Variants in ZC3H7A observed in about 807,000 individuals in gnomAD.
ZC3H7A encodes the protein zinc finger CCCH-type containing 7A.
ZC3H7A carries 44 observed loss-of-function variants against 125.5 expected under a neutral mutation model. That is an observed-to-expected ratio of 0.35 (90% CI 0.28 to 0.45). The LOEUF is 0.45. Among genes scored for constraint, ZC3H7A ranks in the 20% least tolerant of loss-of-function variants. ZC3H7A has a pLI of 1.00. For synonymous variants in ZC3H7A, 399 were observed against 391.2 expected (o/e 1.02, Z -0.23); for missense variants, 977 against 1,170.7 (o/e 0.83, Z 2.41).
At chr16:11,792,072 T>A (rs1431811398) in intron 1 of ZC3H7A, among the ~76,000 whole-genome samples, 1 of 152,118 alleles carries the variant, frequency 6.6e-6, no homozygotes, top group Non-Finnish European at 1.5e-5. Context: ...TATACCTGAA[T>A]AATTTTTGTA....
intron 1 of ZC3H7A, among the ~76,000 whole-genome samples, chr16:11,791,741 A>G (rs1459762919): frequency 1.3e-5 from 2 of 152,172 alleles, no homozygotes; most frequent in Non-Finnish European, 2.9e-5. Context: ...TTGGCCCCCA[A>G]CCCTTTGGGG....
rs188021277 is a variant in ZC3H7A at position 11,767,299 on chromosome 16, T to C, written c.1522+118A>G. On this transcript the variant is annotated intron_variant, in intron 13 of 22. Coordinates refer to ENST00000355758, the MANE Select transcript of ZC3H7A (RefSeq NM_014153.4). Reference sequence around the variant, plus strand: ...GCTACACCATCGAGGTTTGTGTAAGTACTCTGTGATGTTCCCCTAATGATG... The same window carrying C: ...GCTACACCATCGAGGTTTGTGTAAGCACTCTGTGATGTTCCCCTAATGATG... 165 of 893,318 alleles carry C rather than the reference T, an allele frequency of 1.8e-4. No individual in the cohort carries two copies. In the African/African-American group the frequency reaches 2.6e-3, roughly 14 times the overall value. 55.3% of individuals were successfully genotyped at this position (893,318 alleles called of 1,614,324 possible).
intron 7 of ZC3H7A, chr16:11,775,543 G>C (rs1417499829): frequency 6.6e-6 from 1 of 152,210 alleles, no homozygotes; most frequent in Non-Finnish European, 1.5e-5. Flanking sequence ...TATTTCTCGT[G>C]GACCAGCATT....
rs1382962917 is a variant in ZC3H7A at position 11,773,689 on chromosome 16, T to C, written c.903+547A>G. 4.0e-5 allele frequency among the ~76,000 whole-genome samples: 6 copies of C among 151,744 alleles called. 1 individual carries two copies. The highest frequency in any genetic ancestry group is 1.5e-4 in the African/African-American group (6 of 41,048). On this transcript the variant is annotated intron_variant, in intron 9 of 22. Transcript: ENST00000355758. ...CGAGGTCAGGAGATCAAGACCATTCTGGCTAAGGCAGTGAAACCCCATCTT... is the reference window on the plus strand; with the variant it reads ...CGAGGTCAGGAGATCAAGACCATTCCGGCTAAGGCAGTGAAACCCCATCTT...
At position 11,765,772 on chromosome 16, in the gene ZC3H7A, C is replaced by T; in HGVS notation, c.1523-87G>A. ...CTTGGGAGGCTGAGGTGGGAGGATC[C>T]CTTGAGCCCAGGAGTTCAAGGCTGC... On this transcript the variant is annotated intron_variant, in intron 13 of 22. Coordinates refer to ENST00000355758, the MANE Select transcript of ZC3H7A (RefSeq NM_014153.4). The surrounding 1 kb of genome is among the most constrained non-coding windows in gnomAD (Gnocchi z 4.8). 7.3e-7 allele frequency: 1 copy of T among 1,366,134 alleles called. No individual in the cohort carries two copies. Among genetic ancestry groups the T allele is most frequent in the South Asian group, 1.5e-5 (1 of 68,438 alleles). 84.6% of individuals were successfully genotyped at this position (1,366,134 alleles called of 1,614,324 possible).
At chr16:11,760,123 A>AAG (rs2052724376) in intron 19 of ZC3H7A, among the ~76,000 whole-genome samples, 2 of 17,804 alleles carry the variant, frequency 1.1e-4, no homozygotes, top group Non-Finnish European at 2.7e-4. Context: ...AGAAAAAATG[A>AAG]AAAAAAAAAA....
At chr16:11,763,214 T>A in intron 16 of ZC3H7A, 1 of 286,990 alleles carries the variant, frequency 3.5e-6, no homozygotes, top group South Asian at 7.8e-5. Flanking sequence ...TTTAAGCAAT[T>A]CTCATGCCTC....
chr16:11,751,666 CT>C (rs1354807064), intron 22 of ZC3H7A, among the ~76,000 whole-genome samples, 160 bp from the exon 23 acceptor site: 1 of 152,054 alleles, frequency 6.6e-6, no homozygotes, highest in Non-Finnish European at 1.5e-5. Flanking sequence ...GCCATGACAT[CT>C]ACAATAGAAA....
chr16:11,771,434 G>C (rs1472350187), intron 9 of ZC3H7A, among the ~76,000 whole-genome samples: 1 of 151,352 alleles, frequency 6.6e-6, no homozygotes, highest in Non-Finnish European at 1.5e-5. Flanking sequence ...ATCAAGATTC[G>C]TTTAAAACAA....
At chr16:11,782,554 T>G in intron 1 of ZC3H7A, 166 bp from the exon 2 acceptor site, 1 of 466,538 alleles carries the variant, frequency 2.1e-6, no homozygotes, top group Admixed American at 3.5e-5. Flanking sequence ...GTCATCTTTG[T>G]GGCTCCCCTG....
chr16:11,757,773 C>G (rs540893614), intron 20 of ZC3H7A, among the ~76,000 whole-genome samples: 1 of 152,170 alleles, frequency 6.6e-6, no homozygotes, highest in African/African-American at 2.4e-5. Context: ...GTCCACACAC[C>G]ACTGACGATC....
chr16:11,761,975 C>T lies in ZC3H7A; in HGVS notation c.2148G>A (p.Leu716=). ...CTGGTTCAATGACTTGACCGTTTCT[C>T]AGACACTGGGCGCACACAAACTTTA... is the stretch of plus-strand genomic sequence containing the variant. ...MKIKFVCAQC[L]RNGQVIEPDK... Residue 716 remains leucine, a synonymous_variant, in exon 18 of 23, where the codon CTG becomes CTA. Coordinates refer to ENST00000355758, the MANE Select transcript of ZC3H7A (RefSeq NM_014153.4). 1 of 1,613,664 alleles carries T rather than the reference C, an allele frequency of 6.2e-7. No individual in the cohort carries two copies. Among genetic ancestry groups the T allele is most frequent in the Non-Finnish European group, 8.5e-7 (1 of 1,179,926 alleles).
intron 13 of ZC3H7A, among the ~76,000 whole-genome samples, chr16:11,766,655 G>A (rs960723507): frequency 2.0e-5 from 3 of 152,218 alleles, no homozygotes; most frequent in African/African-American, 7.2e-5. Flanking sequence ...AGCCCAGGCA[G>A]GCAGATAACT....
chr16:11,764,279 T>C (rs745475633), intron 15 of ZC3H7A, among the ~76,000 whole-genome samples: 2 of 152,072 alleles, frequency 1.3e-5, no homozygotes, highest in African/African-American at 4.8e-5. Flanking sequence ...CCAGGCGTGA[T>C]GGCTCACTCC....
intron 3 of ZC3H7A, 72 bp downstream of exon 3, chr16:11,781,353 C>A: frequency 4.0e-6 from 6 of 1,485,782 alleles, no homozygotes; most frequent in Non-Finnish European, 5.5e-6. Flanking sequence ...CATCATTTGC[C>A]AACCCCTGCT....
intron 12 of ZC3H7A, 131 bp downstream of exon 12, chr16:11,768,184 G>C: frequency 3.3e-6 from 3 of 911,966 alleles, no homozygotes; most frequent in East Asian, 2.9e-5. Flanking sequence ...TACTTGTTTA[G>C]GAAGAATTCA....
Position 11,769,784 on chromosome 16 carries a change from CTTTTTTT to C in ZC3H7A, c.1109-696_1109-690del, listed in dbSNP as rs200241879. Among the ~76,000 whole-genome samples, 50 of 61,612 alleles carry C rather than the reference CTTTTTTT, an allele frequency of 8.1e-4. 2 individuals are homozygous for C. Among genetic ancestry groups the C allele is most frequent in the East Asian group, 3.0e-3 (6 of 1,986 alleles). The allele number at this position is 61,612 out of a possible 152,430, so 40.4% of individuals were successfully genotyped here. A position where few individuals can be genotyped will look rare whatever the true frequency, so the allele number is the denominator to read the frequency against. ...AATCAGTAAAGTTTTCAATTGCTTT[CTTTTTTT>C]TTTTTTTTTTTTTTTTGAGAAAGGG... On this transcript the variant is annotated intron_variant, in intron 10 of 22. Transcript: ENST00000355758.
chr16:11,775,826 A>G lies in ZC3H7A; in HGVS notation c.585+494T>C, dbSNP rs114837341. On this transcript the variant is annotated intron_variant, in intron 7 of 22. Coordinates refer to ENST00000355758, the MANE Select transcript of ZC3H7A (RefSeq NM_014153.4). ...CATTCAGGAAATGCTGGTTACAGCT[A>G]AAATATATTACTTGAGTTGTAGATG... Among the ~76,000 whole-genome samples, 510 of 152,272 alleles carry G rather than the reference A, an allele frequency of 3.3e-3. 3 individuals carry two copies. The highest frequency in any genetic ancestry group is 0.011 in the African/African-American group (463 of 41,560).
intron 3 of ZC3H7A, among the ~76,000 whole-genome samples, chr16:11,780,788 G>C (rs1290548907): frequency 6.6e-6 from 1 of 152,156 alleles, no homozygotes; most frequent in African/African-American, 2.4e-5. Flanking sequence ...AAACACAGGT[G>C]AACCAATAGT....
Sources: allele counts gnomAD v4.1 joint callset (sites outside exome capture counted in the v4.1 genomes callset), GRCh38; gene constraint gnomAD v4.1.1; non-coding constraint Gnocchi (gnomAD v3.1); transcripts MANE v1.5; gene names NCBI Gene and HGNC (gene_info 2026-07-23, HGNC 2026-07-21).